SLC24A2: variants seen among roughly 807,000 people sequenced by gnomAD.
The protein encoded by SLC24A2 is solute carrier family 24 member 2, also known as sodium/potassium/calcium exchanger 2.
In SLC24A2, 36 loss-of-function variants were observed where a neutral mutation model predicts 62.0. That is an observed-to-expected ratio of 0.58 (90% CI 0.44 to 0.77). The LOEUF is 0.77. Among genes scored for constraint, SLC24A2 ranks in the 30% least tolerant of loss-of-function variants. SLC24A2 has a pLI of 0.00. For missense variants in SLC24A2, 846 were observed against 817.9 expected, an observed-to-expected ratio of 1.03 and a Z score of -0.42; for synonymous variants, 358 against 294.0, an observed-to-expected ratio of 1.22 and a Z score of -2.23.
At chr9:20,136,545 G>T in the SLC24A2 span, among the ~76,000 whole-genome samples, 537 of 152,262 alleles carry the variant, frequency 3.5e-3, 1 homozygote, top group African/African-American at 0.012. Flanking sequence ...TCACAAGAAA[G>T]GAAGCCTTAA....
the SLC24A2 span, among the ~76,000 whole-genome samples, chr9:20,156,178 A>C: frequency 6.6e-6 from 1 of 151,808 alleles, no homozygotes; most frequent in African/African-American, 2.4e-5. Flanking sequence ...ATGTTGAGAA[A>C]TGTAATTAAC....
At chr9:19,830,421 T>C in the SLC24A2 span, among the ~76,000 whole-genome samples, 1 of 152,224 alleles carries the variant, frequency 6.6e-6, no homozygotes, top group African/African-American at 2.4e-5. Flanking sequence ...ATTCTCACCA[T>C]ACCACTGTGA....
chr9:19,917,674 G>A, the SLC24A2 span, among the ~76,000 whole-genome samples: 86 of 151,996 alleles, frequency 5.7e-4, no homozygotes, highest in Non-Finnish European at 9.9e-4. Context: ...TACTTAAAAC[G>A]TATTCTAACA....
At chr9:19,690,777 T>A (rs1189476901) in intron 2 of SLC24A2, among the ~76,000 whole-genome samples, 1 of 152,098 alleles carries the variant, frequency 6.6e-6, no homozygotes, top group Non-Finnish European at 1.5e-5. Context: ...TCCAAATCCT[T>A]TTCCCCTATA....
chr9:19,716,904 C>T (rs1032773658), intron 2 of SLC24A2, among the ~76,000 whole-genome samples: 1 of 152,140 alleles, frequency 6.6e-6, no homozygotes, highest in African/African-American at 2.4e-5. Flanking sequence ...TTCTTAGTTA[C>T]TATTGTTATT....
At chr9:19,558,831 T>G (rs2132787391) in intron 7 of SLC24A2, among the ~76,000 whole-genome samples, 1 of 152,338 alleles carries the variant, frequency 6.6e-6, no homozygotes, top group East Asian at 1.9e-4. Context: ...GCATGTTTTA[T>G]TTTTCCAATT....
intron 2 of SLC24A2, among the ~76,000 whole-genome samples, chr9:19,629,161 A>G (rs929281322): frequency 3.3e-5 from 5 of 152,190 alleles, no homozygotes; most frequent in African/African-American, 4.8e-5. Flanking sequence ...CCAAGGCCAC[A>G]TAGCCAGCAA....
intron 2 of SLC24A2, among the ~76,000 whole-genome samples, chr9:19,752,793 A>G (rs1227658296): frequency 6.6e-6 from 1 of 152,200 alleles, no homozygotes; most frequent in African/African-American, 2.4e-5. Context: ...TCCCATGCCC[A>G]TACTACAGAT....
intron 2 of SLC24A2, among the ~76,000 whole-genome samples, chr9:19,781,754 AAT>A (rs1181991969): frequency 6.6e-6 from 1 of 152,188 alleles, no homozygotes; most frequent in Non-Finnish European, 1.5e-5. Context: ...CTTTTTATTT[AAT>A]ATAAGGACCA....
chr9:20,014,517 T>G, the SLC24A2 span, among the ~76,000 whole-genome samples: 2 of 148,464 alleles, frequency 1.3e-5, no homozygotes, highest in East Asian at 3.9e-4. Context: ...TATATATATA[T>G]ACACACACAC....
chr9:19,727,986 T>A (rs1221798735), intron 2 of SLC24A2, among the ~76,000 whole-genome samples: 1 of 152,104 alleles, frequency 6.6e-6, no homozygotes, highest in Non-Finnish European at 1.5e-5. Context: ...GGGAGGTCAG[T>A]GTTATCAGCC....
the SLC24A2 span, among the ~76,000 whole-genome samples, chr9:19,820,277 G>T: frequency 6.7e-6 from 1 of 148,980 alleles, no homozygotes; most frequent in African/African-American, 2.5e-5. Flanking sequence ...GAGTTTGGGG[G>T]TTTGGGGGGA....
the SLC24A2 span, among the ~76,000 whole-genome samples, chr9:20,096,065 C>A: frequency 1.3e-5 from 2 of 150,536 alleles, no homozygotes; most frequent in African/African-American, 2.5e-5. Flanking sequence ...CAAACCATAT[C>A]TGTATCCATC....
chr9:19,902,779 T>A, the SLC24A2 span, among the ~76,000 whole-genome samples: 1 of 152,194 alleles, frequency 6.6e-6, no homozygotes, highest in Non-Finnish European at 1.5e-5. Context: ...ATCACTATAT[T>A]ACAATTACAT....
At chr9:19,634,770 A>T (rs1471452620) in intron 2 of SLC24A2, among the ~76,000 whole-genome samples, 1 of 152,256 alleles carries the variant, frequency 6.6e-6, no homozygotes, top group African/African-American at 2.4e-5. Flanking sequence ...TTTAATCATT[A>T]TCATTGCTTT....
intron 2 of SLC24A2, among the ~76,000 whole-genome samples, chr9:19,757,442 C>A (rs762019066): frequency 6.6e-6 from 1 of 152,132 alleles, no homozygotes; most frequent in Non-Finnish European, 1.5e-5. Flanking sequence ...TTCTCCTCCT[C>A]CTCCTTTGTC....
At chr9:19,773,742 T>C (rs530088683) in intron 2 of SLC24A2, among the ~76,000 whole-genome samples, 1 of 152,288 alleles carries the variant, frequency 6.6e-6, no homozygotes, top group Admixed American at 6.5e-5. Flanking sequence ...AAAACACAGA[T>C]GCTGGCAAAC....
the SLC24A2 span, among the ~76,000 whole-genome samples, chr9:20,271,797 T>C: frequency 6.6e-6 from 1 of 152,136 alleles, no homozygotes; most frequent in Non-Finnish European, 1.5e-5. Context: ...GCATATAATA[T>C]ATAAAGAGGA....
At chr9:19,582,014 A>G (rs1836224666) in intron 5 of SLC24A2, among the ~76,000 whole-genome samples, 1 of 152,204 alleles carries the variant, frequency 6.6e-6, no homozygotes, top group African/African-American at 2.4e-5. Context: ...ATCGTGAGGC[A>G]CCTACGTCAA....
Sources: allele counts gnomAD v4.1 joint callset (sites outside exome capture counted in the v4.1 genomes callset), GRCh38; gene constraint gnomAD v4.1.1; transcripts MANE v1.5; gene names NCBI Gene and HGNC (gene_info 2026-07-23, HGNC 2026-07-21).